The following SNX1 variants were observed in gnomAD, a reference collection of about 807,000 sequenced individuals.
The protein encoded by SNX1 is sorting nexin 1.
Under a neutral mutation model 71.8 loss-of-function variants are expected in SNX1, and 36 were observed. The ratio of observed to expected loss-of-function variants is 0.50; its 90% CI spans 0.38 to 0.66. SNX1 has a LOEUF of 0.66. Ranked by LOEUF, SNX1 falls within the 30% of genes least tolerant of loss-of-function variation. The pLI is 0.00. For synonymous variants in SNX1, 254 were observed against 240.7 expected, an observed-to-expected ratio of 1.06 and a Z score of -0.51; for missense variants, 612 against 646.7, an observed-to-expected ratio of 0.95 and a Z score of 0.58.
intron 11 of SNX1, among the ~76,000 whole-genome samples, chr15:64,133,481 G>A (rs941679793): frequency 6.6e-6 from 1 of 152,218 alleles, no homozygotes; most frequent in Non-Finnish European, 1.5e-5. Flanking sequence ...TGTAATCCCA[G>A]CACTTTGGGA....
chr15:64,104,319 C>A (rs2080995508), intron 1 of SNX1, among the ~76,000 whole-genome samples: 1 of 144,562 alleles, frequency 6.9e-6, no homozygotes, highest in African/African-American at 2.6e-5. Context: ...GTCGCCCCAG[C>A]TGGAGTGCAG....
intron 5 of SNX1, among the ~76,000 whole-genome samples, chr15:64,123,783 A>G (rs139340986): frequency 9.9e-4 from 150 of 152,274 alleles, no homozygotes; most frequent in African/African-American, 3.4e-3. Flanking sequence ...AACTCGTGGT[A>G]TATCTGATAC....
Position 64,112,659 on chromosome 15 carries a change from C to T in SNX1, c.246C>T (p.Asp82=), listed in dbSNP as rs1397797062. 1.2e-6 allele frequency: 2 copies of T among 1,612,542 alleles called. No homozygotes were observed. The highest frequency in any genetic ancestry group is 1.7e-6 in the Non-Finnish European group (2 of 1,179,136). The part of the protein sequence containing the change: ...SKENGIHEEQ[D]QEPQDLFADA... ...AAAATGGGATCCATGAAGAACAAGA[C>T]CAAGAGCCACAGGATCTCTTTGCAG... is the stretch of plus-strand genomic sequence containing the variant. The change falls in exon 2 of 15, where the codon GAC becomes GAT. Residue 82 remains aspartate (D), a synonymous_variant. Coordinates refer to ENST00000559844, the MANE Select transcript of SNX1 (RefSeq NM_003099.5).
intron 2 of SNX1, among the ~76,000 whole-genome samples, chr15:64,113,006 G>A (rs2081092938): frequency 6.6e-6 from 1 of 152,344 alleles, no homozygotes; most frequent in African/African-American, 2.4e-5. Flanking sequence ...AAAGCAGTGC[G>A]TGTAGCCTTG....
intron 5 of SNX1, among the ~76,000 whole-genome samples, chr15:64,124,117 G>A (rs1214573745): frequency 7.5e-6 from 1 of 132,990 alleles, no homozygotes; most frequent in Non-Finnish European, 1.5e-5. Flanking sequence ...CTCCTGAGTT[G>A]TCTCTCATTT....
rs2081160343 is a variant in SNX1 at position 64,118,797 on chromosome 15, G to C, written c.409G>C (p.Glu137Gln). 1 of 1,612,818 alleles carries C rather than the reference G, an allele frequency of 6.2e-7. No homozygotes were observed. The highest frequency in any genetic ancestry group is 8.5e-7 in the Non-Finnish European group (1 of 1,179,368). ...PQPTYEELEE[E>Q]EQEDQFDLTV... ...TCTTTTCTTGAAAAAGCTAGAGGAAGAAGAACAGGAGGATCAATTTGATTT... is the reference window on the plus strand; with the variant it reads ...TCTTTTCTTGAAAAAGCTAGAGGAACAAGAACAGGAGGATCAATTTGATTT... Residue 137 changes from glutamate to glutamine, a missense_variant, in exon 4 of 15, where the codon GAA becomes CAA. Glu to Gln is a conservative substitution (Grantham distance 29, BLOSUM62 2). Coordinates refer to ENST00000559844, the MANE Select transcript of SNX1 (RefSeq NM_003099.5).
intron 5 of SNX1, among the ~76,000 whole-genome samples, chr15:64,124,996 C>G (rs924252390): frequency 2.6e-5 from 4 of 152,162 alleles, no homozygotes; most frequent in African/African-American, 4.8e-5. Flanking sequence ...CTCTCTACTA[C>G]TTGTTGGCCT....
At chr15:64,107,862 G>A (rs1215556216) in intron 1 of SNX1, among the ~76,000 whole-genome samples, 1 of 152,136 alleles carries the variant, frequency 6.6e-6, no homozygotes, top group African/African-American at 2.4e-5. Context: ...CAGGTGAATA[G>A]TTATGTGACT....
At chr15:64,120,890 C>T (rs1433661093) in intron 4 of SNX1, among the ~76,000 whole-genome samples, 1 of 151,984 alleles carries the variant, frequency 6.6e-6, no homozygotes, top group Non-Finnish European at 1.5e-5. Context: ...TTTTACTTTT[C>T]CCAGACTGTT....
Position 64,142,860 on chromosome 15 carries a change from C to A in SNX1, c.*5242C>A, listed in dbSNP as rs2081428603. On this transcript the variant is annotated 3_prime_UTR_variant, in exon 15 of 15. Coordinates refer to ENST00000559844, the MANE Select transcript of SNX1 (RefSeq NM_003099.5). ...AATACCAGCAACTGTTAACTCTTCC[C>A]AGAAGATTTTCATTCTGAATGCTCC... The A allele has an allele frequency of 6.2e-6, 2 of 322,410 alleles. No individual in the cohort carries two copies. The highest frequency in any genetic ancestry group is 1.2e-5 in the Non-Finnish European group (2 of 161,876). The allele number at this position is 322,410 out of a possible 1,614,324, so 20.0% of individuals were successfully genotyped here. A position where few individuals can be genotyped will look rare whatever the true frequency, so the allele number is the denominator to read the frequency against.
rs915007609 is a variant in SNX1 at position 64,134,406 on chromosome 15, C to T, written c.1222-258C>T. 6.3e-6 allele frequency: 3 copies of T among 475,848 alleles called. No individual in the cohort carries two copies. The highest frequency in any genetic ancestry group is 1.1e-3 in the Middle Eastern group (2 of 1,818). The allele number at this position is 475,848 out of a possible 1,614,324, so 29.5% of individuals were successfully genotyped here. A position where few individuals can be genotyped will look rare whatever the true frequency, so the allele number is the denominator to read the frequency against. On this transcript the variant is annotated intron_variant, in intron 11 of 14. Coordinates refer to ENST00000559844, the MANE Select transcript of SNX1 (RefSeq NM_003099.5). This position sits in a 1 kb window ranked among gnomAD's most constrained non-coding sequence, Gnocchi z 4.1. ...AGTATTGGTCACTGGCATGAGGCCA[C>T]CTACTGGATCCCTGCCATCCAGCCC...
At chr15:64,130,062 C>A in intron 9 of SNX1, 33 bp downstream of exon 9, 1 of 1,541,582 alleles carries the variant, frequency 6.5e-7, no homozygotes, top group Non-Finnish European at 9.0e-7. Flanking sequence ...CCTCCACCTA[C>A]ACCTCAGGCT....
intron 1 of SNX1, among the ~76,000 whole-genome samples, chr15:64,106,583 A>G (rs538759418): frequency 3.9e-5 from 6 of 152,352 alleles, no homozygotes; most frequent in Admixed American, 3.3e-4. Context: ...AAGGTTGAAG[A>G]TGGAATTAAG....
rs1176806066 is a variant in SNX1 at position 64,137,945 on chromosome 15, G to A, written c.*327G>A. The A allele has an allele frequency of 4.6e-5, 65 of 1,419,154 alleles. No individual in the cohort carries two copies. In the South Asian group the frequency reaches 8.6e-4, roughly 19 times the overall value. 87.9% of individuals were successfully genotyped at this position (1,419,154 alleles called of 1,614,324 possible). A position where few individuals can be genotyped will look rare whatever the true frequency, so the allele number is the denominator to read the frequency against. ...ATGTGGTTTAGGAACTGGGAATAAC[G>A]TTTTCTGTTACTCCTGATGGTGCCA... On this transcript the variant is annotated 3_prime_UTR_variant, in exon 15 of 15. Coordinates refer to ENST00000559844, the MANE Select transcript of SNX1 (RefSeq NM_003099.5).
chr15:64,105,407 C>T (rs1436692312), intron 1 of SNX1, among the ~76,000 whole-genome samples: 1 of 152,154 alleles, frequency 6.6e-6, no homozygotes, highest in Non-Finnish European at 1.5e-5. Flanking sequence ...TTCCTTGGTC[C>T]TCAAGCTTCT....
intron 1 of SNX1, among the ~76,000 whole-genome samples, chr15:64,110,805 G>A (rs2081070805): frequency 6.6e-6 from 1 of 152,222 alleles, no homozygotes; most frequent in Admixed American, 6.5e-5. Flanking sequence ...TTGAGGGAAA[G>A]ATAGACTACT....
intron 4 of SNX1, among the ~76,000 whole-genome samples, chr15:64,121,602 A>G (rs748304982): frequency 2.0e-5 from 3 of 152,238 alleles, no homozygotes; most frequent in African/African-American, 7.2e-5. Flanking sequence ...GTAAGATCAC[A>G]TTCTGAGGAA....
intron 1 of SNX1, among the ~76,000 whole-genome samples, chr15:64,106,409 A>G (rs2081022513): frequency 6.6e-6 from 1 of 152,158 alleles, no homozygotes; most frequent in African/African-American, 2.4e-5. Context: ...CCATTCTCCC[A>G]AGCACAAATA....
Position 64,142,207 on chromosome 15 carries a change from G to C in SNX1, c.*4589G>C, listed in dbSNP as rs939135537. On this transcript the variant is annotated 3_prime_UTR_variant, in exon 15 of 15. Coordinates refer to ENST00000559844, the MANE Select transcript of SNX1 (RefSeq NM_003099.5). ...AAAAACAACTAGCTGGGTGTGTGGTGGTGCATGCCTGTAGGCCCAGCTACG... is the reference window on the plus strand; with the variant it reads ...AAAAACAACTAGCTGGGTGTGTGGTCGTGCATGCCTGTAGGCCCAGCTACG... 1.3e-5 allele frequency: 2 copies of C among 158,216 alleles called. No individual in the cohort carries two copies. The highest frequency in any genetic ancestry group is 4.8e-5 in the African/African-American group (2 of 41,492). The allele number at this position is 158,216 out of a possible 1,614,324, so 9.8% of individuals were successfully genotyped here. A position where few individuals can be genotyped will look rare whatever the true frequency, so the allele number is the denominator to read the frequency against.
Sources: allele counts gnomAD v4.1 joint callset (sites outside exome capture counted in the v4.1 genomes callset), GRCh38; gene constraint gnomAD v4.1.1; non-coding constraint Gnocchi (gnomAD v3.1); transcripts MANE v1.5; gene names NCBI Gene and HGNC (gene_info 2026-07-23, HGNC 2026-07-21).